The following RGL1 variants were observed in gnomAD, a reference collection of about 807,000 sequenced individuals.
RGL1 encodes the protein ral guanine nucleotide dissociation stimulator like 1.
RGL1 carries 24 observed loss-of-function variants against 95.2 expected under a neutral mutation model. That is an observed-to-expected ratio of 0.25 (90% confidence interval 0.18 to 0.35). RGL1 has a LOEUF of 0.35. Among genes scored for constraint, RGL1 ranks in the 10% least tolerant of loss-of-function variants. The pLI is 1.00. For synonymous variants in RGL1, 329 were observed against 344.9 expected (o/e 0.95, Z 0.51); for missense variants, 715 against 936.3 (o/e 0.76, Z 3.08).
intron 16 of RGL1, 33 bp from the exon 17 acceptor site, chr1:183,922,189 A>C: frequency 1.3e-6 from 2 of 1,567,518 alleles, no homozygotes; most frequent in Non-Finnish European, 1.8e-6. Flanking sequence ...CGTGAAGCTA[A>C]GTACTTTACA....
chr1:183,909,131 A>T (rs1451226943), intron 14 of RGL1, among the ~76,000 whole-genome samples: 1 of 152,236 alleles, frequency 6.6e-6, no homozygotes, highest in African/African-American at 2.4e-5. Context: ...GAGTTTGGGC[A>T]TCTATTATGA....
chr1:183,648,145 G>A (rs1327892875), intron 1 of RGL1: 1 of 1,614,068 alleles, frequency 6.2e-7, no homozygotes, highest in African/African-American at 1.3e-5. Context: ...GTTAAAATGG[G>A]CTGAAAAACA....
rs563495367 is a variant in RGL1 at position 183,718,787 on chromosome 1, A to G, written c.-32-23339A>G. On this transcript the variant is annotated intron_variant, in intron 1 of 18. Transcript: ENST00000304685. ...AACTACCCGGGCATGGTGGCACATT[A>G]CTGTAATCCCAGCTACACAGGAGGC... Among the ~76,000 whole-genome samples, 6 of 151,788 alleles carry G rather than the reference A, an allele frequency of 4.0e-5. 1 individual carries two copies. In the South Asian group the frequency reaches 1.2e-3, roughly 32 times the overall value.
At chr1:183,700,734 C>CG (rs1553272028) in intron 1 of RGL1, among the ~76,000 whole-genome samples, 1 of 151,958 alleles carries the variant, frequency 6.6e-6, no homozygotes, top group Non-Finnish European at 1.5e-5. Flanking sequence ...TTAGAAGAGA[C>CG]GGGGTTTCAC....
At chr1:183,885,152 C>A (rs1166165947) in intron 7 of RGL1, among the ~76,000 whole-genome samples, 1 of 152,152 alleles carries the variant, frequency 6.6e-6, no homozygotes, top group Non-Finnish European at 1.5e-5. Context: ...AAAAATTGGA[C>A]CCCTGCTCAC....
At chr1:183,820,948 C>T (rs1170384181) in intron 2 of RGL1, among the ~76,000 whole-genome samples, 1 of 151,962 alleles carries the variant, frequency 6.6e-6, no homozygotes, top group African/African-American at 2.4e-5. Flanking sequence ...GCCTGGCCAA[C>T]ATGGTGAAAC....
At chr1:183,871,671 G>T (rs1666192850) in intron 4 of RGL1, among the ~76,000 whole-genome samples, 1 of 152,160 alleles carries the variant, frequency 6.6e-6, no homozygotes, top group African/African-American at 2.4e-5. Flanking sequence ...GAGGGTAAAA[G>T]AACTTTAAAG....
intron 1 of RGL1, among the ~76,000 whole-genome samples, chr1:183,691,214 T>G (rs1653928355): frequency 6.6e-6 from 1 of 152,370 alleles, no homozygotes; most frequent in East Asian, 1.9e-4. Context: ...CTTGGTTATT[T>G]GCCATAGATG....
intron 2 of RGL1, among the ~76,000 whole-genome samples, chr1:183,825,193 T>C (rs541327954): frequency 1.7e-4 from 26 of 152,322 alleles, no homozygotes; most frequent in South Asian, 1.2e-3. Context: ...GATATAGTTA[T>C]TTGAATTTTA....
intron 17 of RGL1, among the ~76,000 whole-genome samples, chr1:183,925,192 C>G (rs1669548803): frequency 1.3e-5 from 2 of 152,264 alleles, no homozygotes; most frequent in African/African-American, 4.8e-5. Flanking sequence ...GAGACCTATC[C>G]TGACAGTCAC....
At position 183,828,811 on chromosome 1, in the gene RGL1, G is replaced by C. The variant is rs186894456; in HGVS notation, c.139-18755G>C. On this transcript the variant is annotated intron_variant, in intron 2 of 17. Transcript: ENST00000360851. ...TCTGATCTGCTCCAGTCAGGAACAA[G>C]TTAAAGCAAGTGTATGCTTCTACTC... is the stretch of plus-strand genomic sequence containing the variant. Among the ~76,000 whole-genome samples the C allele has an allele frequency of 5.7e-3, 865 of 152,298 alleles. 3 individuals carry two copies. The highest frequency in any genetic ancestry group is 0.014 in the Middle Eastern group (4 of 294).
chr1:183,844,174 A>G (rs1291611699), intron 2 of RGL1, among the ~76,000 whole-genome samples: 2 of 152,212 alleles, frequency 1.3e-5, no homozygotes, highest in Admixed American at 6.5e-5. Flanking sequence ...CAGGCTGACA[A>G]TTATTTTGGC....
At chr1:183,739,786 T>G (rs12760943) in intron 1 of RGL1, among the ~76,000 whole-genome samples, 1 of 151,936 alleles carries the variant, frequency 6.6e-6, no homozygotes, top group Non-Finnish European at 1.5e-5. Flanking sequence ...TCTTCCCAAA[T>G]AGGGTGAGGA....
intron 2 of RGL1, among the ~76,000 whole-genome samples, chr1:183,821,781 T>A (rs1662508053): frequency 6.6e-6 from 1 of 152,076 alleles, no homozygotes; most frequent in African/African-American, 2.4e-5. Flanking sequence ...AAGAATGACT[T>A]TTGTCTGGTT....
intron 1 of RGL1, among the ~76,000 whole-genome samples, chr1:183,684,835 G>A (rs569204606): frequency 2.0e-5 from 3 of 152,276 alleles, no homozygotes; most frequent in Admixed American, 1.3e-4. Context: ...CCCTTGGCTA[G>A]GGGAAGGAGT....
At chr1:183,654,865 A>T (rs550247395) in intron 1 of RGL1, among the ~76,000 whole-genome samples, 1 of 152,120 alleles carries the variant, frequency 6.6e-6, no homozygotes. Flanking sequence ...ATGTAGGAAG[A>T]CTCCAAGGAA....
intron 4 of RGL1, among the ~76,000 whole-genome samples, chr1:183,874,539 C>A (rs1241077752): frequency 1.3e-5 from 2 of 151,808 alleles, no homozygotes; most frequent in Non-Finnish European, 2.9e-5. Context: ...CTCCCTTCCC[C>A]ATAGTCCCTG....
intron 2 of RGL1, among the ~76,000 whole-genome samples, chr1:183,784,890 G>A (rs1457371661): frequency 6.6e-6 from 1 of 152,192 alleles, no homozygotes; most frequent in Non-Finnish European, 1.5e-5. Context: ...TCTCCAGTGT[G>A]TTCACTTCTC....
chr1:183,822,800 G>T (rs1201029993), intron 2 of RGL1, among the ~76,000 whole-genome samples: 2 of 152,142 alleles, frequency 1.3e-5, no homozygotes, highest in Non-Finnish European at 2.9e-5. Flanking sequence ...TAGTAGATTT[G>T]AGGGCTTCAA....
Sources: gnomAD v4.1 joint callset for allele counts (sites outside exome capture counted in the v4.1 genomes callset) on GRCh38, gnomAD v4.1.1 for gene constraint, MANE v1.5 for transcripts, NCBI Gene and HGNC (gene_info 2026-07-23, HGNC 2026-07-21) for gene names.